TLCD4: variants seen among roughly 807,000 people sequenced by gnomAD.
The protein encoded by TLCD4 is TLC domain-containing protein 4.
TLCD4 carries 7 observed loss-of-function variants against 24.2 expected under a neutral mutation model. The observed-to-expected ratio is 0.29, with a 90% confidence interval of 0.16 to 0.54. The LOEUF (loss-of-function observed/expected upper bound fraction) is 0.54. Ranked by LOEUF, TLCD4 falls within the 20% of genes least tolerant of loss-of-function variation. The probability of loss-of-function intolerance (pLI) is 0.95; values close to 1 mark genes in which losing one functional copy is unlikely to be tolerated. For missense variants in TLCD4, 259 were observed against 313.9 expected (o/e 0.82, Z 1.32); for synonymous variants, 103 against 106.4 (o/e 0.97, Z 0.20).
intron 5 of TLCD4, among the ~76,000 whole-genome samples, chr1:95,172,292 C>G (rs1282264022): frequency 6.6e-6 from 1 of 152,178 alleles, no homozygotes; most frequent in African/African-American, 2.4e-5. Context: ...GCAAGCACAT[C>G]TAAATTAATC....
At chr1:95,179,766 G>A (rs142752311) in intron 6 of TLCD4, among the ~76,000 whole-genome samples, 19 of 152,238 alleles carry the variant, frequency 1.2e-4, no homozygotes, top group African/African-American at 4.3e-4. Context: ...TCTGCAAGAA[G>A]AGCTGTCTTA....
At chr1:95,186,911 CT>C (rs58031607) in intron 6 of TLCD4, among the ~76,000 whole-genome samples, 3,569 of 152,156 alleles carry the variant, frequency 0.023, 156 homozygotes, top group African/African-American at 0.082. Flanking sequence ...TATTTTCAAG[CT>C]TTTTAACTAT....
In TLCD4 at chr1:95,139,455, A is replaced by ATTTTTTTTTTTTTTT. The variant is rs200337389; in HGVS notation, c.-11-4428_-11-4414dup. On this transcript the variant is annotated intron_variant, in intron 1 of 6. Coordinates refer to ENST00000370203, the MANE Select transcript of TLCD4 (RefSeq NM_152487.3). ...ATAAACTTTTTTATTTAAACCTTTG[A>ATTTTTTTTTTTTTTT]TTTTTTTTTTTTTTTTTTTTTTGAG... is the stretch of plus-strand genomic sequence containing the variant. Among the ~76,000 whole-genome samples, 32 of 93,982 alleles carry ATTTTTTTTTTTTTTT rather than the reference A, an allele frequency of 3.4e-4. 1 individual carries two copies. Among genetic ancestry groups the ATTTTTTTTTTTTTTT allele is most frequent in the Non-Finnish European group, 5.1e-4 (25 of 49,298 alleles). 61.7% of individuals were successfully genotyped at this position (93,982 alleles called of 152,430 possible). A position where few individuals can be genotyped will look rare whatever the true frequency, so the allele number is the denominator to read the frequency against.
At chr1:95,138,664 G>A (rs1677111735) in intron 1 of TLCD4, 1 of 152,010 alleles carries the variant, frequency 6.6e-6, no homozygotes, top group African/African-American at 2.4e-5. Flanking sequence ...GTAGGCAGAT[G>A]CTACACAATG....
At chr1:95,181,607 T>TTTATTTATTTATTTA (rs1557697278) in intron 6 of TLCD4, among the ~76,000 whole-genome samples, 37 of 141,644 alleles carry the variant, frequency 2.6e-4, no homozygotes, top group African/African-American at 9.7e-4. Flanking sequence ...TTATTTATTT[T>TTTATTTATTTATTTA]TTTTTTTGAG....
chr1:95,183,395 AG>A (rs1678714884), intron 6 of TLCD4, among the ~76,000 whole-genome samples: 1 of 149,566 alleles, frequency 6.7e-6, no homozygotes, highest in African/African-American at 2.4e-5. Context: ...TGACGAATTT[AG>A]TGCGGAGATA....
In TLCD4 at chr1:95,119,108, C is replaced by A. The variant is rs139104145; in HGVS notation, c.-12+1491C>A. 6.1e-3 allele frequency among the ~76,000 whole-genome samples: 935 copies of A among 152,288 alleles called. 6 individuals carry two copies. Among genetic ancestry groups the A allele is most frequent in the African/African-American group, 0.021 (861 of 41,550 alleles). ...ACAGTATTAGATTTCCATTTATATT[C>A]ATTTCACTCTAAGCCTTCTTTACCC... On this transcript the variant is annotated intron_variant, in intron 1 of 6. Transcript: ENST00000370203.
intron 1 of TLCD4, among the ~76,000 whole-genome samples, chr1:95,137,031 C>G (rs907999509): frequency 6.6e-6 from 1 of 151,834 alleles, no homozygotes; most frequent in Non-Finnish European, 1.5e-5. Context: ...TAGTTGCACA[C>G]AGTATAAGCA....
chr1:95,169,359 G>C (rs1678129373), intron 5 of TLCD4, among the ~76,000 whole-genome samples: 1 of 152,216 alleles, frequency 6.6e-6, no homozygotes, highest in Non-Finnish European at 1.5e-5. Flanking sequence ...GAAGAGCCAA[G>C]ATGTTATGCC....
intron 5 of TLCD4, among the ~76,000 whole-genome samples, chr1:95,166,506 G>A (rs376768858): frequency 3.4e-4 from 52 of 152,128 alleles, no homozygotes; most frequent in African/African-American, 1.3e-3. Flanking sequence ...ATTTGTTCAC[G>A]TAAGGTTATC....
At chr1:95,126,787 A>G (rs983474333) in intron 1 of TLCD4, among the ~76,000 whole-genome samples, 3 of 152,184 alleles carry the variant, frequency 2.0e-5, no homozygotes, top group South Asian at 4.2e-4. Context: ...TCTCAGGGCA[A>G]TTTTCCAAGA....
At chr1:95,122,537 C>T (rs994916552) in intron 1 of TLCD4, among the ~76,000 whole-genome samples, 1 of 152,180 alleles carries the variant, frequency 6.6e-6, no homozygotes, top group African/African-American at 2.4e-5. Context: ...TTTGACTTCA[C>T]CCTTCCTCAG....
the TLCD4 span, among the ~76,000 whole-genome samples, chr1:95,105,162 C>T: frequency 6.6e-6 from 1 of 152,160 alleles, no homozygotes; most frequent in African/African-American, 2.4e-5. Context: ...CCACATATCA[C>T]CAGCCTGGGA....
At chr1:95,177,324 G>A (rs1171021790) in intron 6 of TLCD4, among the ~76,000 whole-genome samples, 1 of 152,062 alleles carries the variant, frequency 6.6e-6, no homozygotes, top group Non-Finnish European at 1.5e-5. Context: ...CCCGGGGAAG[G>A]CTTCTATGAT....
At chr1:95,169,630 T>G (rs1345958228) in intron 5 of TLCD4, among the ~76,000 whole-genome samples, 1 of 29,622 alleles carries the variant, frequency 3.4e-5, no homozygotes, top group Non-Finnish European at 7.1e-5. Context: ...ATAGTATACT[T>G]CATGATTTTT....
intron 5 of TLCD4, among the ~76,000 whole-genome samples, chr1:95,156,125 G>A (rs541516725): frequency 6.6e-6 from 1 of 152,226 alleles, no homozygotes; most frequent in African/African-American, 2.4e-5. Context: ...AGTACTTGAT[G>A]TATATTCTTG....
intron 1 of TLCD4, among the ~76,000 whole-genome samples, chr1:95,140,381 T>C (rs1442953408): frequency 6.6e-6 from 1 of 152,218 alleles, no homozygotes; most frequent in Non-Finnish European, 1.5e-5. Context: ...TATAATCTTA[T>C]GAGACCACCA....
At chr1:95,161,138 T>G (rs1203234330) in intron 5 of TLCD4, among the ~76,000 whole-genome samples, 1 of 152,188 alleles carries the variant, frequency 6.6e-6, no homozygotes, top group Non-Finnish European at 1.5e-5. Context: ...GCTCCTGGAC[T>G]TTTTTTGATT....
At position 95,130,957 on chromosome 1, in the gene TLCD4, T is replaced by C. The variant is rs1571728371; in HGVS notation, c.-11-12934T>C. 2.0e-5 allele frequency among the ~76,000 whole-genome samples: 3 copies of C among 152,322 alleles called. No homozygotes were observed. The Middle Eastern group carries it at 0.01, about 518-fold the overall frequency. On this transcript the variant is annotated intron_variant, in intron 1 of 6. Coordinates refer to ENST00000370203, the MANE Select transcript of TLCD4 (RefSeq NM_152487.3). ...ATACTATGGTTGTCAGTTCAGAAAA[T>C]TCCTTTTCTAGTATTGTGATTACCC...
Sources: allele counts gnomAD v4.1 joint callset (sites outside exome capture counted in the v4.1 genomes callset), GRCh38; gene constraint gnomAD v4.1.1; transcripts MANE v1.5; gene names NCBI Gene and HGNC (gene_info 2026-07-23, HGNC 2026-07-21).